The following DLG2 variants were observed in gnomAD, a reference collection of about 807,000 sequenced individuals.
The protein encoded by DLG2 is disks large homolog 2.
Under a neutral mutation model 132.5 loss-of-function variants are expected in DLG2, and 45 were observed. The observed-to-expected ratio is 0.34, with a 90% CI of 0.27 to 0.44. DLG2 has a LOEUF of 0.44. Ranked by LOEUF, DLG2 falls within the 20% of genes least tolerant of loss-of-function variation. The probability of loss-of-function intolerance (pLI) is 1.00; values close to 1 mark genes in which losing one functional copy is unlikely to be tolerated. For synonymous variants in DLG2, 424 were observed against 419.6 expected, an observed-to-expected ratio of 1.01 and a Z score of -0.13; for missense variants, 1,045 against 1,196.9, an observed-to-expected ratio of 0.87 and a Z score of 1.87.
chr11:85,386,441 T>G (rs1038371206), intron 3 of DLG2, among the ~76,000 whole-genome samples: 12 of 152,206 alleles, frequency 7.9e-5, no homozygotes, highest in Non-Finnish European at 8.8e-5. Context: ...CTCATCACAT[T>G]GACTTCTGAC....
Position 83,633,320 on chromosome 11 carries a change from C to A in DLG2, c.1831G>T (p.Ala611Ser). ...IIAQYQPEDY[A>S]RFEAKIHDLR... ...TCATGGATTTTGGCCTCAAATCGAG[C>A]GTAATCTGGGAATGAAAACAAAGGT... The change falls in exon 19 of 28, where the codon GCT (alanine) becomes TCT (serine). Residue 611 changes from alanine to serine, a missense_variant. Coordinates refer to ENST00000376104, the MANE Select transcript of DLG2 (RefSeq NM_001142699.3). The A allele has an allele frequency of 2.5e-6, 4 of 1,613,186 alleles. No individual in the cohort carries two copies. The African/African-American group carries it at 4.0e-5, about 16-fold the overall frequency.
chr11:83,548,899 C>T (rs1245375285), intron 19 of DLG2, among the ~76,000 whole-genome samples: 1 of 152,110 alleles, frequency 6.6e-6, no homozygotes, highest in Non-Finnish European at 1.5e-5. Context: ...GTCTTATCTC[C>T]TTTACTACAT....
chr11:84,406,917 A>T (rs2154450639), intron 7 of DLG2, among the ~76,000 whole-genome samples: 1 of 152,322 alleles, frequency 6.6e-6, no homozygotes, highest in Admixed American at 6.5e-5. Flanking sequence ...GGAAAAGGAG[A>T]CTGTCAGTCA....
intron 3 of DLG2, among the ~76,000 whole-genome samples, chr11:85,507,034 C>A (rs904520488): frequency 2.0e-5 from 3 of 151,982 alleles, no homozygotes; most frequent in Admixed American, 2.0e-4. Context: ...GGATTGTAAC[C>A]CCTGCATTTT....
intron 6 of DLG2, among the ~76,000 whole-genome samples, chr11:84,925,409 T>G (rs75105785): frequency 0.02 from 3,092 of 152,248 alleles, 58 homozygotes; most frequent in Admixed American, 0.043. Context: ...CTTAAAAACT[T>G]CTTTAAAACA....
chr11:84,233,915 G>T (rs970120621), intron 8 of DLG2, among the ~76,000 whole-genome samples: 3 of 152,190 alleles, frequency 2.0e-5, no homozygotes, highest in Admixed American at 1.3e-4. Flanking sequence ...GGGAAAGGCA[G>T]CTTCCCAATA....
chr11:85,379,034 T>C (rs2085658338), intron 3 of DLG2, among the ~76,000 whole-genome samples: 1 of 152,136 alleles, frequency 6.6e-6, no homozygotes, highest in Non-Finnish European at 1.5e-5. Flanking sequence ...AAATAATACA[T>C]AACTTCAGAA....
At position 84,245,701 on chromosome 11, in the gene DLG2, A is replaced by G. The variant is rs191228298; in HGVS notation, c.573+5537T>C. On this transcript the variant is annotated intron_variant, in intron 8 of 27. Coordinates refer to ENST00000376104, the MANE Select transcript of DLG2 (RefSeq NM_001142699.3). ...TTAGACAACATACAATAATCTACAC[A>G]TTCACTCTCCCTATCAGTTGAACCA... Among the ~76,000 whole-genome samples the G allele has an allele frequency of 3.0e-3, 455 of 152,284 alleles. 4 individuals carry two copies. Among genetic ancestry groups the G allele is most frequent in the African/African-American group, 0.011 (442 of 41,554 alleles).
At chr11:84,040,046 C>A (rs865946306) in intron 11 of DLG2, among the ~76,000 whole-genome samples, 2 of 151,658 alleles carry the variant, frequency 1.3e-5, no homozygotes, top group Non-Finnish European at 2.9e-5. Flanking sequence ...TCATGTCCTT[C>A]GCCCACTTTT....
In DLG2 at chr11:83,459,658, C is replaced by T; in HGVS notation, c.*160G>A. ...TCCCACCCTTTGGCCCCTCTGTTTC[C>T]TTCATGGCTTCATACAGTTTGTGTT... On this transcript the variant is annotated 3_prime_UTR_variant, in exon 28 of 28. Transcript: ENST00000376104. 1.8e-6 allele frequency: 1 copy of T among 551,706 alleles called. No homozygotes were observed. Among genetic ancestry groups the T allele is most frequent in the Non-Finnish European group, 3.2e-6 (1 of 308,284 alleles). The allele number at this position is 551,706 out of a possible 1,614,324, so 34.2% of individuals were successfully genotyped here.
chr11:85,604,165 A>C (rs2080357278), intron 2 of DLG2, among the ~76,000 whole-genome samples: 1 of 152,214 alleles, frequency 6.6e-6, no homozygotes, highest in African/African-American at 2.4e-5. Context: ...CTGTAGGATA[A>C]AAATTTGACA....
At chr11:83,758,807 C>T (rs967245700) in intron 18 of DLG2, among the ~76,000 whole-genome samples, 4 of 152,120 alleles carry the variant, frequency 2.6e-5, no homozygotes, top group Non-Finnish European at 5.9e-5. Context: ...TATCACCCTC[C>T]TCTTTACTCA....
intron 6 of DLG2, chr11:84,887,219 T>C (rs780166613): frequency 6.6e-6 from 1 of 152,144 alleles, no homozygotes; most frequent in Non-Finnish European, 1.5e-5. Context: ...AACTTGTTAA[T>C]CATAAATTGC....
At chr11:84,293,992 G>A (rs2154377456) in intron 7 of DLG2, among the ~76,000 whole-genome samples, 1 of 152,232 alleles carries the variant, frequency 6.6e-6, no homozygotes, top group South Asian at 2.1e-4. Context: ...GCCACCACCA[G>A]AAAAAGAGTC....
chr11:83,797,484 G>A (rs2043115683), intron 17 of DLG2, among the ~76,000 whole-genome samples: 2 of 151,840 alleles, frequency 1.3e-5, no homozygotes, highest in African/African-American at 4.8e-5. Context: ...AGGCAGTGTG[G>A]TTTAAGTGTC....
chr11:83,577,868 AAT>A (rs1193606103), intron 19 of DLG2, among the ~76,000 whole-genome samples: 1 of 123,086 alleles, frequency 8.1e-6, no homozygotes, highest in East Asian at 2.2e-4. Context: ...TTATATTATA[AAT>A]ATATATAATA....
intron 17 of DLG2, among the ~76,000 whole-genome samples, chr11:83,827,597 A>C (rs1183837836): frequency 6.6e-6 from 1 of 152,200 alleles, no homozygotes; most frequent in Non-Finnish European, 1.5e-5. Flanking sequence ...GTCCATATCA[A>C]GAATGAGCTT....
chr11:83,924,547 G>C (rs1289622721), intron 15 of DLG2, among the ~76,000 whole-genome samples: 2 of 152,090 alleles, frequency 1.3e-5, no homozygotes, highest in African/African-American at 4.8e-5. Flanking sequence ...ATACAGGCAG[G>C]CTTGCACAGC....
At chr11:85,321,010 AAAAAT>A (rs201924335) in intron 3 of DLG2, among the ~76,000 whole-genome samples, 3 of 151,854 alleles carry the variant, frequency 2.0e-5, no homozygotes, top group African/African-American at 4.8e-5. Flanking sequence ...GTATGGTCCA[AAAAAT>A]AAAATAAAAT....
Sources: allele counts gnomAD v4.1 joint callset (sites outside exome capture counted in the v4.1 genomes callset), GRCh38; gene constraint gnomAD v4.1.1; transcripts MANE v1.5; gene names NCBI Gene and HGNC (gene_info 2026-07-23, HGNC 2026-07-21).